Variants in TUSC3 observed in about 807,000 individuals in gnomAD.
TUSC3 encodes the protein tumor suppressor candidate 3.
In TUSC3, 45 loss-of-function variants were observed where a neutral mutation model predicts 44.8. That is an observed-to-expected ratio of 1.00 (90% CI 0.79 to 1.29). The LOEUF (loss-of-function observed/expected upper bound fraction) is 1.29. TUSC3 is among the 50% of genes most tolerant of loss of function. The probability of loss-of-function intolerance (pLI) is 0.00; values close to 1 mark genes in which losing one functional copy is unlikely to be tolerated. For missense variants in TUSC3, 519 were observed against 437.9 expected, an observed-to-expected ratio of 1.19 and a Z score of -1.65; for synonymous variants, 212 against 152.9, an observed-to-expected ratio of 1.39 and a Z score of -2.85.
intron 6 of TUSC3, among the ~76,000 whole-genome samples, chr8:15,709,998 C>A (rs571589978): frequency 1.3e-5 from 2 of 151,824 alleles, no homozygotes; most frequent in Non-Finnish European, 2.9e-5. Flanking sequence ...TATTTCTCCC[C>A]TATTCCAGGA....
At chr8:15,520,717 C>T (rs1410447465) in intron 2 of TUSC3, among the ~76,000 whole-genome samples, 4 of 152,124 alleles carry the variant, frequency 2.6e-5, no homozygotes, top group African/African-American at 4.8e-5. Flanking sequence ...TATGCAATTC[C>T]GTTCTCCACC....
chr8:15,811,932 G>A, the TUSC3 span, among the ~76,000 whole-genome samples: 2 of 152,032 alleles, frequency 1.3e-5, no homozygotes, highest in Non-Finnish European at 2.9e-5. Context: ...ACAGTAATAA[G>A]TATTTGAAGA....
At chr8:15,639,346 TTC>T (rs1391385476) in intron 2 of TUSC3, among the ~76,000 whole-genome samples, 1 of 152,232 alleles carries the variant, frequency 6.6e-6, no homozygotes, top group East Asian at 1.9e-4. Context: ...GCTTTGGACT[TTC>T]TGTGTGCTTA....
intron 6 of TUSC3, among the ~76,000 whole-genome samples, chr8:15,681,297 G>A (rs916572963): frequency 1.3e-5 from 2 of 151,402 alleles, no homozygotes; most frequent in Non-Finnish European, 2.9e-5. Flanking sequence ...GAATACATCT[G>A]GTCCAGGGCT....
intron 1 of TUSC3, among the ~76,000 whole-genome samples, chr8:15,563,871 C>G (rs1802571616): frequency 6.6e-6 from 1 of 151,828 alleles, no homozygotes; most frequent in South Asian, 2.1e-4. Context: ...TCTCAGAATA[C>G]CTATTAAACT....
At chr8:15,618,121 C>G (rs1241895760) in intron 1 of TUSC3, among the ~76,000 whole-genome samples, 3 of 152,172 alleles carry the variant, frequency 2.0e-5, no homozygotes, top group Non-Finnish European at 1.5e-5. Flanking sequence ...ATGGAGCTTT[C>G]AGGCCTGGAG....
chr8:15,682,336 C>G (rs1016359514), intron 6 of TUSC3, among the ~76,000 whole-genome samples: 4 of 152,162 alleles, frequency 2.6e-5, no homozygotes, highest in Non-Finnish European at 5.9e-5. Context: ...TTTTATGAAT[C>G]TGGGTGCTCT....
intron 1 of TUSC3, among the ~76,000 whole-genome samples, chr8:15,573,192 C>CTA (rs1802949386): frequency 2.1e-5 from 2 of 93,304 alleles, no homozygotes; most frequent in Non-Finnish European, 4.3e-5. Context: ...CTCTCTCTCT[C>CTA]TCTCTCTCTC....
chr8:15,478,192 C>T (rs999390841), intron 1 of TUSC3, among the ~76,000 whole-genome samples: 15 of 152,192 alleles, frequency 9.9e-5, no homozygotes, highest in African/African-American at 2.2e-4. Flanking sequence ...TCTCAAAGTC[C>T]GGGCCTCAAG....
intron 6 of TUSC3, among the ~76,000 whole-genome samples, chr8:15,688,509 G>A (rs1387722922): frequency 3.3e-5 from 5 of 151,130 alleles, no homozygotes; most frequent in Admixed American, 3.3e-4. Flanking sequence ...GTGTCACAGG[G>A]GTTTGATGTA....
chr8:15,497,066 A>T (rs1800890986), intron 2 of TUSC3, among the ~76,000 whole-genome samples: 1 of 152,206 alleles, frequency 6.6e-6, no homozygotes, highest in Admixed American at 6.5e-5. Context: ...TAAGGAAATG[A>T]CAAAATACGG....
intron 2 of TUSC3, among the ~76,000 whole-genome samples, chr8:15,484,006 T>A (rs1398966493): frequency 6.6e-6 from 1 of 152,180 alleles, no homozygotes; most frequent in Non-Finnish European, 1.5e-5. Context: ...GTTGAGGTAA[T>A]TGACATTGCT....
At chr8:15,672,588 G>A (rs1158208799) in intron 5 of TUSC3, among the ~76,000 whole-genome samples, 2 of 151,934 alleles carry the variant, frequency 1.3e-5, no homozygotes, top group African/African-American at 4.8e-5. Flanking sequence ...AAAATTCTAG[G>A]CAAGGTACTT....
chr8:15,582,297 C>T (rs1190567249), intron 1 of TUSC3, among the ~76,000 whole-genome samples: 2 of 152,176 alleles, frequency 1.3e-5, no homozygotes, highest in Non-Finnish European at 2.9e-5. Flanking sequence ...GAGCTGTAGA[C>T]CGGAGCTGTT....
chr8:15,483,320 G>T (rs558528358), intron 1 of TUSC3: 16,870 of 178,758 alleles, frequency 0.094, 1,198 homozygotes, highest in African/African-American at 0.24. Context: ...CACTGTTTTT[G>T]TTGTTGTTGT....
intron 2 of TUSC3, among the ~76,000 whole-genome samples, chr8:15,519,034 ATTATTACAACAGTG>A (rs1186012391): frequency 4.6e-5 from 7 of 152,310 alleles, no homozygotes; most frequent in Admixed American, 4.6e-4. Context: ...CAACAAAAAC[ATTATTACAACAGTG>A]TTGTGTGGTC....
At chr8:15,683,870 C>G (rs1808518433) in intron 6 of TUSC3, among the ~76,000 whole-genome samples, 1 of 151,842 alleles carries the variant, frequency 6.6e-6, no homozygotes, top group Non-Finnish European at 1.5e-5. Flanking sequence ...AGTCAGCTGG[C>G]TTCGTTTCTG....
Position 15,583,844 on chromosome 8 carries a change from C to G in TUSC3, c.139-39236C>G, listed in dbSNP as rs148831559. ...ATATCCTAAAACCAGAAAAAAACCA[C>G]AAACCCTTATTTTATTAGAGATCTT... On this transcript the variant is annotated intron_variant, in intron 1 of 10. Transcript: ENST00000503731. 3.7e-4 allele frequency among the ~76,000 whole-genome samples: 57 copies of G among 152,196 alleles called. 1 individual carries two copies. Among genetic ancestry groups the G allele is most frequent in the African/African-American group, 1.3e-3 (54 of 41,542 alleles).
At chr8:15,802,522 A>G in the TUSC3 span, among the ~76,000 whole-genome samples, 1 of 152,096 alleles carries the variant, frequency 6.6e-6, no homozygotes, top group Admixed American at 6.6e-5. Flanking sequence ...CCCGGGTTCA[A>G]GTGATTCTCC....
Sources: allele counts gnomAD v4.1 joint callset (sites outside exome capture counted in the v4.1 genomes callset), GRCh38; gene constraint gnomAD v4.1.1; transcripts MANE v1.5; gene names NCBI Gene and HGNC (gene_info 2026-07-23, HGNC 2026-07-21).